The following PPP1R16B variants were observed in gnomAD, a reference collection of about 807,000 sequenced individuals.
PPP1R16B encodes protein phosphatase 1 regulatory inhibitor subunit 16B.
Under a neutral mutation model 61.7 loss-of-function variants are expected in PPP1R16B, and 14 were observed. The observed-to-expected ratio is 0.23, with a 90% CI of 0.15 to 0.35. The LOEUF (loss-of-function observed/expected upper bound fraction) is 0.35. PPP1R16B is among the 10% of genes least tolerant of loss of function. The probability of loss-of-function intolerance (pLI) is 1.00; values close to 1 mark genes in which losing one functional copy is unlikely to be tolerated. For missense variants in PPP1R16B, 547 were observed against 752.5 expected (o/e 0.73, Z 3.19); for synonymous variants, 266 against 305.3 (o/e 0.87, Z 1.34).
At chr20:38,884,506 T>C (rs2085228264) in intron 2 of PPP1R16B, among the ~76,000 whole-genome samples, 1 of 152,172 alleles carries the variant, frequency 6.6e-6, no homozygotes, top group Non-Finnish European at 1.5e-5. Flanking sequence ...TCATAGGTGA[T>C]ATGTAAATGA....
At chr20:38,894,373 G>T (rs1246144875) in intron 3 of PPP1R16B, among the ~76,000 whole-genome samples, 3 of 152,150 alleles carry the variant, frequency 2.0e-5, no homozygotes, top group African/African-American at 7.2e-5. Context: ...CCCTGTGGTC[G>T]TTTCTGGAGG....
At chr20:38,829,322 AT>A (rs1159438200) in intron 1 of PPP1R16B, among the ~76,000 whole-genome samples, 4 of 151,906 alleles carry the variant, frequency 2.6e-5, no homozygotes, top group African/African-American at 9.7e-5. Flanking sequence ...CTTGCTTCTG[AT>A]TTCTCTTCTC....
At chr20:38,843,450 C>A (rs1267051124) in intron 2 of PPP1R16B, among the ~76,000 whole-genome samples, 1 of 152,222 alleles carries the variant, frequency 6.6e-6, no homozygotes, top group African/African-American at 2.4e-5. Context: ...TGGCTCTTGG[C>A]AGGAGGCCTC....
intron 10 of PPP1R16B, among the ~76,000 whole-genome samples, chr20:38,911,174 T>C (rs184526495): frequency 0.021 from 3,114 of 146,522 alleles, 119 homozygotes; most frequent in African/African-American, 0.075. Context: ...TCTTTTTCTT[T>C]TTTTTTTTTT....
rs559172688 is a variant in PPP1R16B at position 38,828,188 on chromosome 20, C to G, written c.-101-7637C>G. Among the ~76,000 whole-genome samples the G allele has an allele frequency of 2.0e-5, 3 of 152,326 alleles. No individual in the cohort carries two copies. In the South Asian group the frequency reaches 6.2e-4, roughly 32 times the overall value. On this transcript the variant is annotated intron_variant, in intron 1 of 10. Transcript: ENST00000299824. ...AAAATGTGTCAACCGACTGCTCCCC[C>G]AGAATTAAGCAGTCACAAAGCCTGG...
chr20:38,887,229 G>C (rs1414873593), intron 2 of PPP1R16B, among the ~76,000 whole-genome samples: 2 of 152,198 alleles, frequency 1.3e-5, no homozygotes, highest in African/African-American at 4.8e-5. Flanking sequence ...ACTGACAAAA[G>C]ACTATTGTGG....
rs2085454890 is a variant in PPP1R16B, at chr20:38,907,610, GT to G, written c.899-193del. Among the ~76,000 whole-genome samples, 1 of 152,156 alleles carries G rather than the reference GT, an allele frequency of 6.6e-6. No homozygotes were observed. Among genetic ancestry groups the G allele is most frequent in the South Asian group, 2.1e-4 (1 of 4,830 alleles). ...AATTGTGACTGTGCCCAGAACCTGG[GT>G]TTCCCATTCTTATAATCCTCTTATA... On this transcript the variant is annotated intron_variant, in intron 8 of 10. Coordinates refer to ENST00000299824, the MANE Select transcript of PPP1R16B (RefSeq NM_015568.4). The surrounding 1 kb of genome is among the most constrained non-coding windows in gnomAD (Gnocchi z 4.5).
At position 38,806,207 on chromosome 20, in the gene PPP1R16B, C is replaced by G. The variant is rs553556471; in HGVS notation, c.-102+415C>G. Among the ~76,000 whole-genome samples, 1,030 of 152,196 alleles carry G rather than the reference C, an allele frequency of 6.8e-3. 10 individuals carry two copies. The highest frequency in any genetic ancestry group is 0.023 in the African/African-American group (957 of 41,540). On this transcript the variant is annotated intron_variant, in intron 1 of 10. Transcript: ENST00000299824. This position sits in a 1 kb window ranked among gnomAD's most constrained non-coding sequence, Gnocchi z 4.5. ...GCCACAGCGGACACCAAACAACCCC[C>G]CCCCGCGCACTCTCCCGGCCGGGCA...
At chr20:38,894,540 C>T (rs2085320086) in intron 3 of PPP1R16B, among the ~76,000 whole-genome samples, 2 of 152,236 alleles carry the variant, frequency 1.3e-5, no homozygotes, top group African/African-American at 4.8e-5. Flanking sequence ...CAATTCTGAT[C>T]ATGCTCCCCT....
chr20:38,859,056 T>G (rs1255512201), intron 2 of PPP1R16B, among the ~76,000 whole-genome samples: 1 of 152,146 alleles, frequency 6.6e-6, no homozygotes, highest in East Asian at 1.9e-4. Context: ...GCCAGTTTCT[T>G]GAGACCTTGG....
At chr20:38,857,690 C>G (rs79074988) in intron 2 of PPP1R16B, among the ~76,000 whole-genome samples, 1 of 152,100 alleles carries the variant, frequency 6.6e-6, no homozygotes, top group East Asian at 1.9e-4. Context: ...TCTTAAAGCT[C>G]CATTTTTGGC....
intron 2 of PPP1R16B, among the ~76,000 whole-genome samples, chr20:38,878,262 A>C (rs533319538): frequency 6.6e-6 from 1 of 152,192 alleles, no homozygotes; most frequent in Non-Finnish European, 1.5e-5. Flanking sequence ...TTCATGTCCT[A>C]TGTAATACAG....
At chr20:38,897,253 G>A (rs2085356938) in intron 4 of PPP1R16B, among the ~76,000 whole-genome samples, 1 of 152,206 alleles carries the variant, frequency 6.6e-6, no homozygotes, top group South Asian at 2.1e-4. Flanking sequence ...CTCGAACCCA[G>A]GAGACTGAGG....
At chr20:38,854,196 CCTCT>C (rs1490024286) in intron 2 of PPP1R16B, among the ~76,000 whole-genome samples, 1 of 152,184 alleles carries the variant, frequency 6.6e-6, no homozygotes, top group Non-Finnish European at 1.5e-5. Flanking sequence ...CCAAACACTG[CCTCT>C]CTCTGGGAAC....
intron 1 of PPP1R16B, among the ~76,000 whole-genome samples, chr20:38,822,933 G>A (rs1467107034): frequency 6.6e-6 from 1 of 152,190 alleles, no homozygotes; most frequent in Non-Finnish European, 1.5e-5. Flanking sequence ...AAATTCAATT[G>A]TGTTAGCAAT....
chr20:38,807,085 C>A (rs1368474092), intron 1 of PPP1R16B, among the ~76,000 whole-genome samples: 1 of 152,214 alleles, frequency 6.6e-6, no homozygotes, highest in Non-Finnish European at 1.5e-5. Context: ...GAGGTACAGG[C>A]GCCCTTTCCC....
At chr20:38,857,462 A>G (rs563044158) in intron 2 of PPP1R16B, among the ~76,000 whole-genome samples, 1 of 152,352 alleles carries the variant, frequency 6.6e-6, no homozygotes, top group East Asian at 1.9e-4. Context: ...CTCATTTAAT[A>G]AGCTGCTGGC....
intron 2 of PPP1R16B, among the ~76,000 whole-genome samples, chr20:38,852,573 C>A (rs868040585): frequency 6.6e-6 from 1 of 152,200 alleles, no homozygotes; most frequent in South Asian, 2.1e-4. Flanking sequence ...GACACTCAAC[C>A]AGCATTTCCC....
chr20:38,902,933 C>T, intron 6 of PPP1R16B, 141 bp downstream of exon 6: 1 of 1,355,590 alleles, frequency 7.4e-7, no homozygotes, highest in South Asian at 1.4e-5. Context: ...AGGATTGCCC[C>T]TGGATAGGGA....
Sources: gnomAD v4.1 joint callset for allele counts (sites outside exome capture counted in the v4.1 genomes callset) on GRCh38, gnomAD v4.1.1 for gene constraint, Gnocchi (gnomAD v3.1) non-coding constraint, MANE v1.5 for transcripts, NCBI Gene and HGNC (gene_info 2026-07-23, HGNC 2026-07-21) for gene names.